The following NRG3 variants were observed in gnomAD, a reference collection of about 807,000 sequenced individuals.
NRG3 encodes the protein pro-neuregulin-3, membrane-bound isoform.
Under a neutral mutation model 66.9 loss-of-function variants are expected in NRG3, and 31 were observed. The observed-to-expected ratio is 0.46, with a 90% confidence interval of 0.35 to 0.63. NRG3 has a LOEUF of 0.63. Among genes scored for constraint, NRG3 ranks in the 20% least tolerant of loss-of-function variants. The probability of loss-of-function intolerance (pLI) is 0.00; values close to 1 mark genes in which losing one functional copy is unlikely to be tolerated. For synonymous variants in NRG3, 393 were observed against 359.4 expected (o/e 1.09, Z -1.06); for missense variants, 910 against 878.9 (o/e 1.04, Z -0.45).
intron 1 of NRG3, among the ~76,000 whole-genome samples, chr10:82,326,453 GA>G (rs1346233672): frequency 6.6e-6 from 1 of 151,184 alleles, no homozygotes; most frequent in East Asian, 1.9e-4. Flanking sequence ...TAATTTTCAT[GA>G]TTTTTTTTAA....
intron 8 of NRG3, among the ~76,000 whole-genome samples, chr10:82,981,699 G>A (rs961588829): frequency 2.0e-5 from 3 of 152,178 alleles, no homozygotes; most frequent in Non-Finnish European, 4.4e-5. Flanking sequence ...CCTGGGGAAG[G>A]AGTGAGGTGG....
At chr10:82,789,557 T>C (rs868248628) in intron 3 of NRG3, among the ~76,000 whole-genome samples, 3 of 152,222 alleles carry the variant, frequency 2.0e-5, no homozygotes, top group Middle Eastern at 3.4e-3. Context: ...ACCTTCAAGA[T>C]ATTTGATACA....
chr10:82,858,241 C>G (rs2063915783), intron 3 of NRG3, among the ~76,000 whole-genome samples: 1 of 152,174 alleles, frequency 6.6e-6, no homozygotes, highest in East Asian at 1.9e-4. Flanking sequence ...GTTTTGTTTT[C>G]TAGCCTGCAG....
rs570187361 is a variant in NRG3 at position 82,198,092 on chromosome 10, G to A, written c.824-160647G>A. ...CTTATGAAAAATAAAACCTTACATG[G>A]TTGTTCCATTAAAAGCCCCTGCTTC... On this transcript the variant is annotated intron_variant, in intron 1 of 8. Transcript: ENST00000372141. Among the ~76,000 whole-genome samples the A allele has an allele frequency of 2.6e-5, 4 of 152,138 alleles. No individual in the cohort carries two copies. In the South Asian group the frequency reaches 8.3e-4, roughly 32 times the overall value.
chr10:82,890,403 T>A (rs1214805663), intron 4 of NRG3, among the ~76,000 whole-genome samples: 1 of 152,120 alleles, frequency 6.6e-6, no homozygotes, highest in East Asian at 1.9e-4. Flanking sequence ...TATCTTATTA[T>A]GGTCTTTATT....
chr10:82,626,878 C>T (rs1444502034), intron 2 of NRG3, among the ~76,000 whole-genome samples: 1 of 152,104 alleles, frequency 6.6e-6, no homozygotes, highest in Non-Finnish European at 1.5e-5. Context: ...GACCTGTTAA[C>T]ATAGGTCATG....
intron 2 of NRG3, among the ~76,000 whole-genome samples, chr10:82,550,362 G>A (rs1030311585): frequency 1.3e-5 from 2 of 152,118 alleles, no homozygotes; most frequent in Non-Finnish European, 2.9e-5. Context: ...GTAATGTCCT[G>A]TATTACCCTT....
chr10:82,654,129 G>C (rs566724161), intron 2 of NRG3, among the ~76,000 whole-genome samples: 2 of 152,122 alleles, frequency 1.3e-5, no homozygotes, highest in South Asian at 4.1e-4. Flanking sequence ...GGATGCGACC[G>C]TAAGTGAATA....
chr10:81,899,508 G>A (rs148248892), intron 1 of NRG3, among the ~76,000 whole-genome samples: 33 of 152,344 alleles, frequency 2.2e-4, no homozygotes, highest in African/African-American at 7.9e-4. Context: ...TTGGGGTTGG[G>A]CATTGTCCTC....
At chr10:82,343,646 A>T (rs1169618649) in intron 1 of NRG3, among the ~76,000 whole-genome samples, 3 of 152,154 alleles carry the variant, frequency 2.0e-5, no homozygotes, top group Non-Finnish European at 2.9e-5. Context: ...ACATTATACT[A>T]AAGACAGATT....
At chr10:82,945,627 C>T (rs1189119718) in intron 4 of NRG3, among the ~76,000 whole-genome samples, 1 of 152,114 alleles carries the variant, frequency 6.6e-6, no homozygotes, top group African/African-American at 2.4e-5. Context: ...GAAGCCCACT[C>T]TTGTGATAAC....
intron 2 of NRG3, among the ~76,000 whole-genome samples, chr10:82,643,901 CA>C (rs776754497): frequency 3.3e-3 from 68 of 20,396 alleles, no homozygotes; most frequent in African/African-American, 4.3e-3. Flanking sequence ...CACACACACA[CA>C]CCCACACACA....
intron 2 of NRG3, among the ~76,000 whole-genome samples, chr10:82,488,024 T>C (rs1298163021): frequency 6.6e-6 from 1 of 152,240 alleles, no homozygotes; most frequent in African/African-American, 2.4e-5. Flanking sequence ...TTTTCAAGGC[T>C]ATTGAAAATA....
chr10:82,936,785 G>A lies in NRG3; in HGVS notation c.1055-14684G>A, dbSNP rs545533483. 2.0e-5 allele frequency among the ~76,000 whole-genome samples: 3 copies of A among 152,174 alleles called. No individual in the cohort carries two copies. In the South Asian group the frequency reaches 6.2e-4, roughly 32 times the overall value. On this transcript the variant is annotated intron_variant, in intron 4 of 8. Transcript: ENST00000372141. ...TAAAAAAATTAAAAAGACACTATGA[G>A]CAAGTAGAGGAAGACAACTGTTAAA...
chr10:82,894,284 A>G (rs1843440065), intron 4 of NRG3, among the ~76,000 whole-genome samples: 1 of 152,224 alleles, frequency 6.6e-6, no homozygotes, highest in Non-Finnish European at 1.5e-5. Context: ...ACATTAAATA[A>G]TAAAGGAGAA....
At chr10:82,562,773 C>T (rs1169709312) in intron 2 of NRG3, among the ~76,000 whole-genome samples, 1 of 150,458 alleles carries the variant, frequency 6.6e-6, no homozygotes, top group East Asian at 2.0e-4. Context: ...ATCTAGTGGT[C>T]GGCCTTGTTG....
chr10:81,891,671 T>A (rs1294524108), intron 1 of NRG3, among the ~76,000 whole-genome samples: 1 of 152,196 alleles, frequency 6.6e-6, no homozygotes, highest in Non-Finnish European at 1.5e-5. Context: ...ATAAGATAAT[T>A]GGGATAGTGG....
At position 82,236,060 on chromosome 10, in the gene NRG3, G is replaced by A. The variant is rs147873379; in HGVS notation, c.824-122679G>A. ...CCCCTCACTCTCACTGGTGTCTTGT[G>A]TCCACTGTTTCTAATCATTAAATAG... On this transcript the variant is annotated intron_variant, in intron 1 of 8. Transcript: ENST00000372141. Among the ~76,000 whole-genome samples, 1,242 of 152,046 alleles carry A rather than the reference G, an allele frequency of 8.2e-3. 9 individuals are homozygous for A. The highest frequency in any genetic ancestry group is 0.013 in the Non-Finnish European group (866 of 67,970).
At chr10:82,335,269 ACCAATGATGGCTCAGCAGGATATAG>A (rs1387734181) in intron 1 of NRG3, among the ~76,000 whole-genome samples, 8 of 152,184 alleles carry the variant, frequency 5.3e-5, no homozygotes, top group African/African-American at 9.7e-5. Flanking sequence ...TAAGGATATA[ACCAATGATGGCTCAGCAGGATATAG>A]CCAATGATGG....
Sources: gnomAD v4.1 joint callset for allele counts (sites outside exome capture counted in the v4.1 genomes callset) on GRCh38, gnomAD v4.1.1 for gene constraint, MANE v1.5 for transcripts, NCBI Gene and HGNC (gene_info 2026-07-23, HGNC 2026-07-21) for gene names.